Variants in NR5A2 observed in about 807,000 individuals in gnomAD.
NR5A2 encodes nuclear receptor subfamily 5 group A member 2.
A neutral mutation model predicts 62.7 loss-of-function variants in NR5A2; 26 were observed. The ratio of observed to expected loss-of-function variants is 0.41; its 90% confidence interval spans 0.30 to 0.58. The LOEUF is 0.58. Among genes scored for constraint, NR5A2 ranks in the 20% least tolerant of loss-of-function variants. The pLI is 0.22. For missense variants in NR5A2, 541 were observed against 669.1 expected (o/e 0.81, Z 2.11); for synonymous variants, 246 against 241.7 (o/e 1.02, Z -0.16).
intron 5 of NR5A2, among the ~76,000 whole-genome samples, chr1:200,085,567 T>A (rs1032173729): frequency 2.0e-5 from 3 of 151,622 alleles, no homozygotes; most frequent in African/African-American, 7.3e-5. Context: ...ATCTAAAAAA[T>A]TAAATATTTG....
chr1:200,165,170 C>A (rs1009424240), intron 7 of NR5A2, among the ~76,000 whole-genome samples: 2 of 152,132 alleles, frequency 1.3e-5, no homozygotes, highest in Non-Finnish European at 2.9e-5. Context: ...AACCACCGTG[C>A]CCAGCCCTGG....
chr1:200,101,783 G>A (rs905324313), intron 5 of NR5A2, among the ~76,000 whole-genome samples: 2 of 152,174 alleles, frequency 1.3e-5, no homozygotes, highest in East Asian at 1.9e-4. Context: ...CCCCAGATAT[G>A]ATGAACTTAT....
chr1:200,124,426 G>GT (rs1280539871), intron 7 of NR5A2, among the ~76,000 whole-genome samples: 1 of 152,112 alleles, frequency 6.6e-6, no homozygotes, highest in Non-Finnish European at 1.5e-5. Context: ...GCTCTCTGAC[G>GT]TTTCCCCCCT....
intron 5 of NR5A2, chr1:200,057,635 C>A: frequency 2.9e-6 from 1 of 343,552 alleles, no homozygotes; most frequent in South Asian, 2.2e-5. Context: ...TGCACCACAA[C>A]ACCCATCTAA....
chr1:200,122,228 G>A lies in NR5A2; in HGVS notation c.1378+1273G>A, dbSNP rs114806496. On this transcript the variant is annotated intron_variant, in intron 7 of 7. Coordinates refer to ENST00000367362, the MANE Select transcript of NR5A2 (RefSeq NM_205860.3). ...TCAAGTAAGTCTGCATCTTTTACCC[G>A]AGAACAGTGTTTAGAATGTTAAAAA... Among the ~76,000 whole-genome samples, 800 of 152,232 alleles carry A rather than the reference G, an allele frequency of 5.3e-3. 4 individuals carry two copies. Among genetic ancestry groups the A allele is most frequent in the Admixed American group, 0.012 (180 of 15,294 alleles).
At chr1:200,109,974 A>G (rs1233249465) in intron 5 of NR5A2, among the ~76,000 whole-genome samples, 1 of 152,234 alleles carries the variant, frequency 6.6e-6, no homozygotes, top group East Asian at 1.9e-4. Context: ...CATGTTGGCC[A>G]GGATGGTCTC....
intron 5 of NR5A2, among the ~76,000 whole-genome samples, chr1:200,081,970 AG>A (rs1664315784): frequency 1.3e-5 from 2 of 151,912 alleles, no homozygotes; most frequent in Non-Finnish European, 2.9e-5. Context: ...CTCAGCTAAC[AG>A]GGGGTCACCG....
At chr1:200,123,747 TTAA>T (rs55693199) in intron 7 of NR5A2, among the ~76,000 whole-genome samples, 52,527 of 138,336 alleles carry the variant, frequency 0.38, 9,149 homozygotes, top group Admixed American at 0.41. Context: ...TTTTACTTAT[TTAA>T]TTTTTTTTTT....
At chr1:200,118,536 C>T (rs944625469) in intron 6 of NR5A2, among the ~76,000 whole-genome samples, 6 of 152,132 alleles carry the variant, frequency 3.9e-5, no homozygotes, top group Non-Finnish European at 8.8e-5. Flanking sequence ...GTCCAAGGCT[C>T]TTCGTTTGTA....
At chr1:200,033,361 C>A (rs1661614768) in intron 1 of NR5A2, among the ~76,000 whole-genome samples, 1 of 151,962 alleles carries the variant, frequency 6.6e-6, no homozygotes, top group Admixed American at 6.6e-5. Flanking sequence ...TACTGTTGTA[C>A]CATGAGAGGA....
intron 7 of NR5A2, among the ~76,000 whole-genome samples, chr1:200,127,198 C>T (rs1666741285): frequency 6.6e-6 from 1 of 152,176 alleles, no homozygotes; most frequent in South Asian, 2.1e-4. Context: ...TCTGATTCAG[C>T]CTACTTTCCT....
intron 7 of NR5A2, among the ~76,000 whole-genome samples, chr1:200,173,352 A>T (rs990674480): frequency 9.2e-5 from 14 of 152,268 alleles, no homozygotes; most frequent in African/African-American, 3.4e-4. Flanking sequence ...AAAGATCATT[A>T]GTCACCAAGA....
chr1:200,092,184 G>A (rs1473154661), intron 5 of NR5A2, among the ~76,000 whole-genome samples: 1 of 152,176 alleles, frequency 6.6e-6, no homozygotes, highest in Non-Finnish European at 1.5e-5. Flanking sequence ...CAAAAAGCCC[G>A]CTTCTTAAAA....
intron 1 of NR5A2, among the ~76,000 whole-genome samples, chr1:200,028,450 A>AAAAAT (rs1661429670): frequency 6.7e-6 from 1 of 149,738 alleles, no homozygotes; most frequent in African/African-American, 2.5e-5. Context: ...AAAACCAAAA[A>AAAAAT]AACTAGACCA....
intron 7 of NR5A2, among the ~76,000 whole-genome samples, chr1:200,158,322 G>A (rs1398029123): frequency 6.6e-6 from 1 of 152,200 alleles, no homozygotes; most frequent in Non-Finnish European, 1.5e-5. Flanking sequence ...TACCAGACCT[G>A]CCAAAGGTGT....
chr1:200,157,618 A>C (rs904910519), intron 7 of NR5A2, among the ~76,000 whole-genome samples: 5 of 152,230 alleles, frequency 3.3e-5, no homozygotes, highest in African/African-American at 1.2e-4. Context: ...AACAAATTGG[A>C]AATATGGATT....
intron 7 of NR5A2, among the ~76,000 whole-genome samples, chr1:200,153,267 G>A (rs1375482132): frequency 6.6e-6 from 1 of 152,154 alleles, no homozygotes; most frequent in African/African-American, 2.4e-5. Context: ...TTTCCTCAAG[G>A]TAGCACTCAT....
intron 6 of NR5A2, among the ~76,000 whole-genome samples, chr1:200,118,021 T>TTTTC (rs1553274552): frequency 3.7e-4 from 49 of 130,882 alleles, no homozygotes; most frequent in African/African-American, 1.5e-3. Flanking sequence ...GCCTTTTTCT[T>TTTTC]TTTTTTTTTT....
At chr1:200,072,527 A>G (rs1199973443) in intron 5 of NR5A2, among the ~76,000 whole-genome samples, 1 of 152,134 alleles carries the variant, frequency 6.6e-6, no homozygotes, top group Non-Finnish European at 1.5e-5. Context: ...GTATACCCCT[A>G]CCCACCATTG....
Sources: allele counts gnomAD v4.1 joint callset (sites outside exome capture counted in the v4.1 genomes callset), GRCh38; gene constraint gnomAD v4.1.1; transcripts MANE v1.5; gene names NCBI Gene and HGNC (gene_info 2026-07-23, HGNC 2026-07-21).